DDX10: variants seen among roughly 807,000 people sequenced by gnomAD.
DDX10 encodes DEAD-box helicase 10, also known as probable ATP-dependent RNA helicase DDX10.
A neutral mutation model predicts 104.3 loss-of-function variants in DDX10; 74 were observed. The observed-to-expected ratio is 0.71, with a 90% confidence interval of 0.59 to 0.86. The LOEUF is 0.86. Ranked by LOEUF, DDX10 falls within the 40% of genes least tolerant of loss-of-function variation. DDX10 has a pLI of 0.00. For missense variants in DDX10, 952 were observed against 1,040.0 expected, an observed-to-expected ratio of 0.92 and a Z score of 1.16; for synonymous variants, 351 against 353.4, an observed-to-expected ratio of 0.99 and a Z score of 0.08.
chr11:108,760,822 G>A (rs952449579), intron 13 of DDX10, among the ~76,000 whole-genome samples: 1 of 151,806 alleles, frequency 6.6e-6, no homozygotes, highest in Admixed American at 6.6e-5. Flanking sequence ...TGTTTATGCT[G>A]TTCTCAAAAA....
chr11:108,829,542 T>G (rs1690175488), intron 13 of DDX10, among the ~76,000 whole-genome samples: 1 of 152,238 alleles, frequency 6.6e-6, no homozygotes, highest in East Asian at 1.9e-4. Flanking sequence ...CTGTGGGTTG[T>G]CTGTTAACTC....
At chr11:108,845,639 G>T (rs1427856218) in intron 15 of DDX10, among the ~76,000 whole-genome samples, 1 of 152,106 alleles carries the variant, frequency 6.6e-6, no homozygotes, top group African/African-American at 2.4e-5. Flanking sequence ...AATAAGGGAT[G>T]TGCCTGAATG....
At chr11:108,745,093 TC>T in intron 13 of DDX10, among the ~76,000 whole-genome samples, 1 of 84,260 alleles carries the variant, frequency 1.2e-5, no homozygotes, top group African/African-American at 5.1e-5. Flanking sequence ...CTTTCCTTCT[TC>T]CTCCCCTCCC....
intron 15 of DDX10, among the ~76,000 whole-genome samples, chr11:108,850,060 C>T (rs552047406): frequency 1.3e-5 from 2 of 152,162 alleles, no homozygotes; most frequent in South Asian, 2.1e-4. Context: ...GAAACGTTTT[C>T]TAATGATTCA....
chr11:108,888,800 C>CT (rs1038258355), intron 16 of DDX10, among the ~76,000 whole-genome samples: 1 of 151,410 alleles, frequency 6.6e-6, no homozygotes, highest in Non-Finnish European at 1.5e-5. Flanking sequence ...AAAAAAACCA[C>CT]TTTTTTTGAA....
At chr11:108,807,088 A>C (rs1862112100) in intron 13 of DDX10, among the ~76,000 whole-genome samples, 1 of 152,196 alleles carries the variant, frequency 6.6e-6, no homozygotes, top group African/African-American at 2.4e-5. Context: ...GGGGTGCTGG[A>C]TATTGTGGAT....
At chr11:108,765,346 A>G (rs2134520238) in intron 13 of DDX10, among the ~76,000 whole-genome samples, 1 of 152,288 alleles carries the variant, frequency 6.6e-6, no homozygotes, top group Non-Finnish European at 1.5e-5. Context: ...ATAGTATTTG[A>G]ATAGGGATAA....
intron 13 of DDX10, among the ~76,000 whole-genome samples, chr11:108,765,584 A>G (rs2094355491): frequency 6.6e-6 from 1 of 152,200 alleles, no homozygotes; most frequent in African/African-American, 2.4e-5. Context: ...AAATTTGACA[A>G]CCTCATATTA....
intron 13 of DDX10, among the ~76,000 whole-genome samples, chr11:108,782,805 A>G (rs1353350079): frequency 6.6e-6 from 1 of 152,160 alleles, no homozygotes; most frequent in Admixed American, 6.5e-5. Flanking sequence ...ATAGAATCCA[A>G]TAAGAAAGAA....
intron 9 of DDX10, among the ~76,000 whole-genome samples, chr11:108,706,162 G>A (rs1443593467): frequency 6.6e-6 from 1 of 152,004 alleles, no homozygotes; most frequent in Non-Finnish European, 1.5e-5. Context: ...AGTAGAGACA[G>A]GGTTTCACCA....
chr11:108,761,027 T>G (rs1474726914), intron 13 of DDX10, among the ~76,000 whole-genome samples: 1 of 152,072 alleles, frequency 6.6e-6, no homozygotes, highest in Non-Finnish European at 1.5e-5. Flanking sequence ...ATATAATACT[T>G]TAACCATAGC....
intron 9 of DDX10, among the ~76,000 whole-genome samples, chr11:108,697,289 A>T (rs12222436): frequency 2.0e-5 from 3 of 149,826 alleles, no homozygotes; most frequent in Non-Finnish European, 3.0e-5. Context: ...ATAATTAGAA[A>T]GTTTTGTGGG....
chr11:108,909,220 T>C (rs1006313217), intron 16 of DDX10, among the ~76,000 whole-genome samples: 1 of 152,212 alleles, frequency 6.6e-6, no homozygotes, highest in Non-Finnish European at 1.5e-5. Context: ...TGGCTGGAGA[T>C]TGAATTATAA....
intron 13 of DDX10, among the ~76,000 whole-genome samples, chr11:108,730,853 T>G (rs1178493496): frequency 5.3e-5 from 8 of 151,866 alleles, no homozygotes; most frequent in Non-Finnish European, 1.0e-4. Context: ...CTGCATGTTT[T>G]TTTTTTTTTA....
At chr11:108,680,274 G>C (rs1017672754) in intron 6 of DDX10, among the ~76,000 whole-genome samples, 2 of 152,188 alleles carry the variant, frequency 1.3e-5, no homozygotes, top group Non-Finnish European at 2.9e-5. Flanking sequence ...GAGTGCAGTT[G>C]TGTGAATATA....
At chr11:108,774,631 C>T (rs1011283472) in intron 13 of DDX10, among the ~76,000 whole-genome samples, 2 of 152,058 alleles carry the variant, frequency 1.3e-5, no homozygotes, top group African/African-American at 4.8e-5. Context: ...TTATCCCCTC[C>T]AAACTATAGG....
At chr11:108,712,306 T>C (rs1203206305) in intron 10 of DDX10, among the ~76,000 whole-genome samples, 1 of 152,246 alleles carries the variant, frequency 6.6e-6, no homozygotes, top group Non-Finnish European at 1.5e-5. Context: ...AAGTGATTTT[T>C]GATATAGTTG....
chr11:108,927,811 T>G (rs1863927477), intron 17 of DDX10, among the ~76,000 whole-genome samples: 5 of 152,096 alleles, frequency 3.3e-5, no homozygotes. Context: ...CTAATTTTTT[T>G]GTATTTTTAG....
intron 13 of DDX10, among the ~76,000 whole-genome samples, chr11:108,749,957 T>G (rs1367532833): frequency 6.6e-6 from 1 of 152,168 alleles, no homozygotes; most frequent in African/African-American, 2.4e-5. Flanking sequence ...TGTCTTGGGC[T>G]TGTAATTTCC....
Sources: allele counts gnomAD v4.1 joint callset (sites outside exome capture counted in the v4.1 genomes callset), GRCh38; gene constraint gnomAD v4.1.1; transcripts MANE v1.5; gene names NCBI Gene and HGNC (gene_info 2026-07-23, HGNC 2026-07-21).